Variants in NCOA2 observed in about 807,000 individuals in gnomAD.
NCOA2 encodes the protein class E basic helix-loop-helix protein 75.
A neutral mutation model predicts 145.1 loss-of-function variants in NCOA2; 21 were observed. That is an observed-to-expected ratio of 0.14 (90% CI 0.10 to 0.21). The LOEUF (loss-of-function observed/expected upper bound fraction) is 0.21, where lower values mean the gene tolerates loss of function less well. Ranked by LOEUF, NCOA2 falls within the 10% of genes least tolerant of loss-of-function variation. The pLI, the probability that NCOA2 is intolerant of heterozygous loss-of-function variation, is 1.00. For missense variants in NCOA2, 1,472 were observed against 1,837.6 expected (o/e 0.80, Z 3.64); for synonymous variants, 619 against 637.5 (o/e 0.97, Z 0.44).
chr8:70,162,587 G>T (rs1813153656), intron 9 of NCOA2, 124 bp downstream of exon 9: 3 of 970,410 alleles, frequency 3.1e-6, no homozygotes, highest in Admixed American at 3.0e-5. Context: ...GCAACACTGG[G>T]GCCAGATGAG....
chr8:70,317,607 G>A (rs143039293), intron 1 of NCOA2, among the ~76,000 whole-genome samples: 1 of 152,154 alleles, frequency 6.6e-6, no homozygotes, highest in Admixed American at 6.5e-5. Flanking sequence ...CAAAATACTG[G>A]CAAAAATGGC....
chr8:70,156,599 T>A lies in NCOA2; in HGVS notation c.1766A>T (p.Tyr589Phe), dbSNP rs765481645. ...AGTTGTACCTTCAGAGGGCTCCCCA[T>A]ATAGTCCAAAACAGTCTTTTGAGTC... ...SLDSKDCFGL[Y>F]GEPSEGTTGQ... Residue 589 changes from tyrosine (Y) to phenylalanine (F), a missense_variant, in exon 11 of 23, where the codon TAT becomes TTT. Tyr to Phe is a conservative substitution (Grantham distance 22). Transcript: ENST00000452400. 1 of 1,613,948 alleles carries A rather than the reference T, an allele frequency of 6.2e-7. No individual in the cohort carries two copies. The highest frequency in any genetic ancestry group is 8.5e-7 in the Non-Finnish European group (1 of 1,179,874).
At chr8:70,165,353 T>TA (rs1813490646) in intron 7 of NCOA2, among the ~76,000 whole-genome samples, 3 of 152,252 alleles carry the variant, frequency 2.0e-5, no homozygotes, top group Admixed American at 2.0e-4. Flanking sequence ...TAAACCTTAT[T>TA]ACATTCTGAT....
intron 1 of NCOA2, among the ~76,000 whole-genome samples, chr8:70,335,375 A>T (rs1807497586): frequency 6.6e-6 from 1 of 152,064 alleles, no homozygotes. Flanking sequence ...CTTTTTGTCT[A>T]CTGAAGCAAC....
intron 1 of NCOA2, among the ~76,000 whole-genome samples, chr8:70,350,095 A>G (rs897544223): frequency 2.6e-4 from 40 of 152,266 alleles, no homozygotes; most frequent in Admixed American, 7.8e-4. Flanking sequence ...TTAACAGAAC[A>G]TATAGTATTT....
intron 1 of NCOA2, among the ~76,000 whole-genome samples, chr8:70,356,274 T>C (rs931431960): frequency 3.9e-5 from 6 of 152,016 alleles, no homozygotes; most frequent in African/African-American, 1.5e-4. Flanking sequence ...CTGGGCAACA[T>C]AGTAAGACCC....
chr8:70,131,725 AC>A, intron 16 of NCOA2, 111 bp downstream of exon 16: 5 of 1,174,256 alleles, frequency 4.3e-6, no homozygotes, highest in Non-Finnish European at 5.8e-6. Context: ...GGTAAAAAAA[AC>A]AACAACAATA....
At chr8:70,169,110 A>G (rs1386367134) in intron 6 of NCOA2, among the ~76,000 whole-genome samples, 1 of 152,218 alleles carries the variant, frequency 6.6e-6, no homozygotes, top group East Asian at 1.9e-4. Context: ...ACTTCCTTCA[A>G]TCCGTGAAGA....
chr8:70,365,369 CA>C (rs961988864), intron 1 of NCOA2, among the ~76,000 whole-genome samples: 2 of 151,672 alleles, frequency 1.3e-5, no homozygotes, highest in East Asian at 1.9e-4. Flanking sequence ...AACAAACAAA[CA>C]AAAAAAACAG....
chr8:70,245,430 CAGAAGCTACATT>C (rs1167298554), intron 2 of NCOA2: 7 of 152,098 alleles, frequency 4.6e-5, no homozygotes, highest in African/African-American at 1.7e-4. Flanking sequence ...TCACATGACT[CAGAAGCTACATT>C]AGCAGAGCTT....
intron 1 of NCOA2, among the ~76,000 whole-genome samples, chr8:70,328,932 A>G (rs1444332115): frequency 6.6e-6 from 1 of 152,098 alleles, no homozygotes; most frequent in African/African-American, 2.4e-5. Flanking sequence ...AGCTCAATAT[A>G]CTTTATTCTC....
chr8:70,255,558 C>T (rs1276990547), intron 2 of NCOA2, among the ~76,000 whole-genome samples: 3 of 152,160 alleles, frequency 2.0e-5, no homozygotes, highest in African/African-American at 7.2e-5. Flanking sequence ...TACACAGACA[C>T]AAAATGTGAC....
chr8:70,405,137 T>G (rs1052009092), upstream of NCOA2, among the ~76,000 whole-genome samples: 1 of 152,164 alleles, frequency 6.6e-6, no homozygotes, highest in Non-Finnish European at 1.5e-5. Flanking sequence ...CAGCCAGTAG[T>G]TGGAGAGGAT....
chr8:70,323,444 C>T (rs1355505027), intron 1 of NCOA2, among the ~76,000 whole-genome samples: 2 of 151,896 alleles, frequency 1.3e-5, no homozygotes, highest in Non-Finnish European at 2.9e-5. Flanking sequence ...CAGGATGAAA[C>T]ATAAGTAATG....
chr8:70,448,891 A>G, the NCOA2 span, among the ~76,000 whole-genome samples: 3 of 151,170 alleles, frequency 2.0e-5, no homozygotes, highest in Non-Finnish European at 4.4e-5. Context: ...TGCAGCCTTG[A>G]TCTCCTGGAC....
At chr8:70,180,031 T>G (rs1815298052) in intron 4 of NCOA2, among the ~76,000 whole-genome samples, 1 of 152,216 alleles carries the variant, frequency 6.6e-6, no homozygotes, top group Admixed American at 6.5e-5. Flanking sequence ...TCTTCTCGCC[T>G]TGGCCTCCCA....
chr8:70,209,095 A>C (rs1233281174), intron 4 of NCOA2, among the ~76,000 whole-genome samples: 1 of 152,238 alleles, frequency 6.6e-6, no homozygotes, highest in Non-Finnish European at 1.5e-5. Context: ...CAAAATATCA[A>C]CATTAACAGG....
the NCOA2 span, among the ~76,000 whole-genome samples, chr8:70,435,424 CAA>C: frequency 1.5e-3 from 30 of 20,156 alleles, no homozygotes; most frequent in African/African-American, 5.8e-3. Context: ...GACTCCGTCT[CAA>C]AAAAAAAAAA....
intron 1 of NCOA2, among the ~76,000 whole-genome samples, chr8:70,358,575 AAC>A (rs1809946179): frequency 2.0e-5 from 3 of 152,242 alleles, no homozygotes; most frequent in Admixed American, 1.3e-4. Context: ...AATGAAATTG[AAC>A]CCCCACCTCA....
Sources: gnomAD v4.1 joint callset for allele counts (sites outside exome capture counted in the v4.1 genomes callset) on GRCh38, gnomAD v4.1.1 for gene constraint, MANE v1.5 for transcripts, NCBI Gene and HGNC (gene_info 2026-07-23, HGNC 2026-07-21) for gene names.